GULP1: variants seen among roughly 807,000 people sequenced by gnomAD.
GULP1 encodes the protein PTB domain-containing engulfment adapter protein 1.
In GULP1, 19 loss-of-function variants were observed where a neutral mutation model predicts 40.9. The ratio of observed to expected loss-of-function variants is 0.46; its 90% CI spans 0.32 to 0.68. The LOEUF is 0.68. Among genes scored for constraint, GULP1 ranks in the 30% least tolerant of loss-of-function variants. GULP1 has a pLI of 0.03. For synonymous variants in GULP1, 119 were observed against 117.6 expected, an observed-to-expected ratio of 1.01 and a Z score of -0.08; for missense variants, 312 against 362.2, an observed-to-expected ratio of 0.86 and a Z score of 1.12.
chr2:188,531,531 C>G (rs940436190), intron 6 of GULP1, among the ~76,000 whole-genome samples: 1 of 152,038 alleles, frequency 6.6e-6, no homozygotes, highest in African/African-American at 2.4e-5. Context: ...CTATTATTCA[C>G]CCTCAATATT....
At chr2:188,507,362 G>A (rs962059881) in intron 4 of GULP1, among the ~76,000 whole-genome samples, 1 of 148,486 alleles carries the variant, frequency 6.7e-6, no homozygotes, top group Non-Finnish European at 1.5e-5. Context: ...CTAAACGAGT[G>A]TGTTTCTGGA....
chr2:188,400,990 TAATG>T (rs1222088286), intron 2 of GULP1, among the ~76,000 whole-genome samples: 1 of 150,060 alleles, frequency 6.7e-6, no homozygotes, highest in African/African-American at 2.4e-5. Context: ...AGAGGGTAAA[TAATG>T]AATCAGTTTT....
chr2:188,431,835 C>A (rs901347980), intron 2 of GULP1, among the ~76,000 whole-genome samples: 1 of 151,838 alleles, frequency 6.6e-6, no homozygotes, highest in Non-Finnish European at 1.5e-5. Context: ...GTCAGAAATA[C>A]CTCTTAATAT....
chr2:188,430,493 C>T (rs2056741689), intron 2 of GULP1, among the ~76,000 whole-genome samples: 1 of 152,164 alleles, frequency 6.6e-6, no homozygotes, highest in Non-Finnish European at 1.5e-5. Flanking sequence ...TCATAGAGCC[C>T]TTAAGCAAGA....
At chr2:188,580,321 A>G (rs577364492) in intron 9 of GULP1, among the ~76,000 whole-genome samples, 1 of 152,264 alleles carries the variant, frequency 6.6e-6, no homozygotes, top group East Asian at 1.9e-4. Context: ...TGGGAGGCCG[A>G]GGCGGGCGGA....
chr2:188,434,961 A>C (rs1042329757), intron 2 of GULP1, among the ~76,000 whole-genome samples: 1 of 151,970 alleles, frequency 6.6e-6, no homozygotes, highest in Non-Finnish European at 1.5e-5. Context: ...AATTTTTGTC[A>C]TGAGATTAGA....
intron 1 of GULP1, among the ~76,000 whole-genome samples, chr2:188,311,875 C>A (rs1406197884): frequency 1.4e-5 from 2 of 147,820 alleles, no homozygotes; most frequent in East Asian, 3.9e-4. Flanking sequence ...TAAATATATA[C>A]ACATTACATA....
chr2:188,514,040 A>AGTGTGTGTGTGTGT (rs1164481151), intron 4 of GULP1, among the ~76,000 whole-genome samples: 7,186 of 122,918 alleles, frequency 0.058, 420 homozygotes, highest in East Asian at 0.14. Context: ...TCCCCTTCTG[A>AGTGTGTGTGTGTGT]GTGTGTGTGT....
chr2:188,390,465 G>T (rs1347211791), intron 2 of GULP1, among the ~76,000 whole-genome samples: 2 of 151,648 alleles, frequency 1.3e-5, no homozygotes, highest in African/African-American at 2.4e-5. Context: ...GGGATTATTT[G>T]TTTTTTTCTT....
intron 1 of GULP1, among the ~76,000 whole-genome samples, chr2:188,323,863 C>T (rs185150641): frequency 1.2e-4 from 18 of 151,658 alleles, no homozygotes; most frequent in Admixed American, 4.6e-4. Context: ...GGATTGCTGG[C>T]GTATCCTCTC....
At chr2:188,544,405 AAGATATAGCATTAGG>A (rs1402583878) in intron 7 of GULP1, among the ~76,000 whole-genome samples, 1 of 151,992 alleles carries the variant, frequency 6.6e-6, no homozygotes, top group African/African-American at 2.4e-5. Flanking sequence ...AAAGAAACAG[AAGATATAGCATTAGG>A]AGATATACCT....
chr2:188,566,461 A>T (rs997220787), intron 7 of GULP1, among the ~76,000 whole-genome samples: 1 of 152,112 alleles, frequency 6.6e-6, no homozygotes, highest in African/African-American at 2.4e-5. Flanking sequence ...ATGAATAATT[A>T]ATAATGTTAC....
intron 2 of GULP1, among the ~76,000 whole-genome samples, chr2:188,449,798 A>G (rs1288059018): frequency 6.6e-6 from 1 of 152,238 alleles, no homozygotes; most frequent in East Asian, 1.9e-4. Context: ...AATTGTTGCC[A>G]CATTATTGGC....
chr2:188,536,012 C>T (rs1033409288), intron 6 of GULP1, among the ~76,000 whole-genome samples: 1 of 151,876 alleles, frequency 6.6e-6, no homozygotes, highest in Non-Finnish European at 1.5e-5. Context: ...AGTGTCTGTT[C>T]ATGTCTTTTG....
chr2:188,328,624 C>G (rs2041101332), intron 1 of GULP1, among the ~76,000 whole-genome samples: 1 of 152,086 alleles, frequency 6.6e-6, no homozygotes, highest in South Asian at 2.1e-4. Flanking sequence ...TTAGTTGCAT[C>G]AGCTTTGGGG....
At chr2:188,379,388 A>C (rs998142771) in intron 1 of GULP1, among the ~76,000 whole-genome samples, 11 of 152,110 alleles carry the variant, frequency 7.2e-5, no homozygotes, top group African/African-American at 2.7e-4. Flanking sequence ...GAATAGAAAA[A>C]CCCAGGATTA....
At chr2:188,353,129 A>G (rs897374263) in intron 1 of GULP1, among the ~76,000 whole-genome samples, 3 of 152,208 alleles carry the variant, frequency 2.0e-5, no homozygotes, top group East Asian at 3.8e-4. Flanking sequence ...AGTATTTACC[A>G]TCTGGCAAAT....
intron 2 of GULP1, among the ~76,000 whole-genome samples, chr2:188,440,784 T>A (rs1470473018): frequency 6.6e-6 from 1 of 152,204 alleles, no homozygotes; most frequent in Non-Finnish European, 1.5e-5. Context: ...CATAATATAC[T>A]TAATTCCTCA....
chr2:188,297,586 C>T, intron 1 of GULP1: 1 of 428,074 alleles, frequency 2.3e-6, no homozygotes, highest in Non-Finnish European at 4.7e-6. Context: ...CTGGGGGAAC[C>T]ATGGATGGCT....
Sources: allele counts gnomAD v4.1 joint callset (sites outside exome capture counted in the v4.1 genomes callset), GRCh38; gene constraint gnomAD v4.1.1; transcripts MANE v1.5; gene names NCBI Gene and HGNC (gene_info 2026-07-23, HGNC 2026-07-21).